Variants in TBC1D16 observed in about 807,000 individuals in gnomAD.
The protein encoded by TBC1D16 is TBC1 domain family member 16, also known as CTD-2529O21.1.
TBC1D16 carries 58 observed loss-of-function variants against 74.7 expected under a neutral mutation model. That is an observed-to-expected ratio of 0.78 (90% confidence interval 0.63 to 0.97). The LOEUF (loss-of-function observed/expected upper bound fraction) is 0.97. Ranked by LOEUF, TBC1D16 falls within the 50% of genes least tolerant of loss-of-function variation. The pLI, the probability that TBC1D16 is intolerant of heterozygous loss-of-function variation, is 0.00. For synonymous variants in TBC1D16, 493 were observed against 474.7 expected (o/e 1.04, Z -0.50); for missense variants, 1,014 against 1,079.5 (o/e 0.94, Z 0.85).
intron 3 of TBC1D16, among the ~76,000 whole-genome samples, chr17:80,006,180 A>T (rs148265234): frequency 0.011 from 1,654 of 151,790 alleles, 16 homozygotes; most frequent in Middle Eastern, 0.034. Flanking sequence ...GAGCACCAGG[A>T]GCGCTCTCGC....
intron 3 of TBC1D16, among the ~76,000 whole-genome samples, chr17:79,998,761 C>T (rs373730813): frequency 2.6e-5 from 4 of 152,268 alleles, no homozygotes; most frequent in East Asian, 1.9e-4. Context: ...GAAGCGCCAC[C>T]GTTCGCACAT....
rs754697784 is a variant in TBC1D16, at chr17:80,007,817, G to T, written c.779+2343C>A. 5.3e-5 allele frequency among the ~76,000 whole-genome samples: 8 copies of T among 152,158 alleles called. No homozygotes were observed. Among genetic ancestry groups the T allele is most frequent in the Non-Finnish European group, 8.8e-5 (6 of 68,016 alleles). ...AACTTGGAGGTGTGCACAGTGGGGG[G>T]TGGGGAGGCAGGCAGCATCGCTCAG... is the stretch of plus-strand genomic sequence containing the variant. On this transcript the variant is annotated intron_variant, in intron 3 of 11. Transcript: ENST00000310924. The surrounding 1 kb of genome is among the most constrained non-coding windows in gnomAD (Gnocchi z 4.5).
intron 3 of TBC1D16, among the ~76,000 whole-genome samples, chr17:79,965,432 C>CA (rs558530340): frequency 2.6e-5 from 4 of 151,930 alleles, no homozygotes; most frequent in African/African-American, 7.3e-5. Context: ...TATTATAAAA[C>CA]AAAAAAATAA....
rs571848293 is a variant in TBC1D16 at position 80,012,258 on chromosome 17, G to A, written c.181+1109C>T. Among the ~76,000 whole-genome samples the A allele has an allele frequency of 1.8e-4, 28 of 152,306 alleles. No individual in the cohort carries two copies. The South Asian group carries it at 5.6e-3, about 30-fold the overall frequency. On this transcript the variant is annotated intron_variant, in intron 2 of 11. Coordinates refer to ENST00000310924, the MANE Select transcript of TBC1D16 (RefSeq NM_019020.4). ...AGTGTTTCCACATCCTTTGAGATCG[G>A]CAAGAGGGTCCGAGGTGGCTACTCC... is the stretch of plus-strand genomic sequence containing the variant.
rs190044378 is a variant in TBC1D16, at chr17:79,954,585, C to T, written c.780-1767G>A. ...GGCCCAGAAGACCGAGGGCTCCTGA[C>T]ATCTTCCCAAGTGGACCCTGCGGGA... On this transcript the variant is annotated intron_variant, in intron 3 of 11. Transcript: ENST00000310924. This position sits in a 1 kb window ranked among gnomAD's most constrained non-coding sequence, Gnocchi z 5.5. Among the ~76,000 whole-genome samples, 33 of 152,324 alleles carry T rather than the reference C, an allele frequency of 2.2e-4. No individual in the cohort carries two copies. The East Asian group carries it at 6.2e-3, about 28-fold the overall frequency.
chr17:80,016,274 G>A (rs1053302908), intron 1 of TBC1D16, among the ~76,000 whole-genome samples: 2 of 151,878 alleles, frequency 1.3e-5, no homozygotes, highest in African/African-American at 2.4e-5. Flanking sequence ...GGGGGAATAG[G>A]GAGGTCATGT....
rs2034280923 is a variant in TBC1D16 at position 79,975,216 on chromosome 17, T to G, written c.780-22398A>C. ...ATTTTGTTTTGTTTTTCCCTTTGCA[T>G]TTGGTGAACTCCGTGTCAGGAAAGC... On this transcript the variant is annotated intron_variant, in intron 3 of 11. Transcript: ENST00000310924. This position sits in a 1 kb window ranked among gnomAD's most constrained non-coding sequence, Gnocchi z 4.5. Among the ~76,000 whole-genome samples the G allele has an allele frequency of 6.6e-6, 1 of 152,212 alleles. No individual in the cohort carries two copies. The highest frequency in any genetic ancestry group is 2.4e-5 in the African/African-American group (1 of 41,452).
At position 79,944,201 on chromosome 17, in the gene TBC1D16, C is replaced by T. The variant is rs2032304010; in HGVS notation, c.1908+707G>A. The T allele has an allele frequency of 1.3e-6, 2 of 1,494,256 alleles. No homozygotes were observed. Among genetic ancestry groups the T allele is most frequent in the Non-Finnish European group, 1.8e-6 (2 of 1,109,772 alleles). 92.6% of individuals were successfully genotyped at this position (1,494,256 alleles called of 1,614,324 possible). A position where few individuals can be genotyped will look rare whatever the true frequency, so the allele number is the denominator to read the frequency against. On this transcript the variant is annotated intron_variant, in intron 10 of 11. Transcript: ENST00000310924. The surrounding 1 kb of genome is among the most constrained non-coding windows in gnomAD (Gnocchi z 7.7). ...CTTCAGGGTTCTCTGACGGAGGCTG[C>T]TGGAGCTGCCGTGGTGGATAGAGCC...
At chr17:80,003,644 T>TAAA (rs74270527) in intron 3 of TBC1D16, among the ~76,000 whole-genome samples, 1 of 132,690 alleles carries the variant, frequency 7.5e-6, no homozygotes, top group African/African-American at 2.8e-5. Flanking sequence ...AACAGAAAAG[T>TAAA]AAAAAAAAAA....
In TBC1D16 at chr17:79,990,920, C is replaced by T. The variant is rs2035033284; in HGVS notation, c.779+19240G>A. 6.6e-6 allele frequency among the ~76,000 whole-genome samples: 1 copy of T among 152,218 alleles called. No homozygotes were observed. Among genetic ancestry groups the T allele is most frequent in the Admixed American group, 6.5e-5 (1 of 15,290 alleles). On this transcript the variant is annotated intron_variant, in intron 3 of 11. Coordinates refer to ENST00000310924, the MANE Select transcript of TBC1D16 (RefSeq NM_019020.4). This position sits in a 1 kb window ranked among gnomAD's most constrained non-coding sequence, Gnocchi z 4.8. ...GTGTTGCGGCGCGTGTCAGAATTGC[C>T]TTCCCAAGGCTGAACGTTCCGCTGG...
At chr17:79,973,987 G>A (rs755277754) in intron 3 of TBC1D16, among the ~76,000 whole-genome samples, 3 of 152,160 alleles carry the variant, frequency 2.0e-5, no homozygotes, top group Non-Finnish European at 4.4e-5. Flanking sequence ...CCGCCTTCTC[G>A]CTAAAAGGAA....
Position 79,954,829 on chromosome 17 carries a change from A to G in TBC1D16, c.780-2011T>C, listed in dbSNP as rs1293137841. On this transcript the variant is annotated intron_variant, in intron 3 of 11. Transcript: ENST00000310924. This position sits in a 1 kb window ranked among gnomAD's most constrained non-coding sequence, Gnocchi z 5.5. Reference sequence around the variant, plus strand: ...CGCCTCCTCCCCCAGCCTTCTTACCACACCCAACAGCAGAATCCCCCAAAC... The same window carrying G: ...CGCCTCCTCCCCCAGCCTTCTTACCGCACCCAACAGCAGAATCCCCCAAAC... Among the ~76,000 whole-genome samples the G allele has an allele frequency of 6.6e-6, 1 of 151,394 alleles. No individual in the cohort carries two copies. Among genetic ancestry groups the G allele is most frequent in the African/African-American group, 2.4e-5 (1 of 41,128 alleles).
intron 3 of TBC1D16, among the ~76,000 whole-genome samples, chr17:79,977,006 CAA>C (rs1264499536): frequency 6.6e-6 from 1 of 152,176 alleles, no homozygotes; most frequent in Non-Finnish European, 1.5e-5. Flanking sequence ...TGACTTAAAA[CAA>C]AAGTGTCAGG....
rs142090413 is a variant in TBC1D16 at position 79,988,695 on chromosome 17, T to G, written c.779+21465A>C. ...AAAAGACTTTTTCTGGAGGGTCCTATGCACCAGATGTTGGCTCTTTAATTG... is the reference window on the plus strand; with the variant it reads ...AAAAGACTTTTTCTGGAGGGTCCTAGGCACCAGATGTTGGCTCTTTAATTG... On this transcript the variant is annotated intron_variant, in intron 3 of 11. Coordinates refer to ENST00000310924, the MANE Select transcript of TBC1D16 (RefSeq NM_019020.4). This position sits in a 1 kb window ranked among gnomAD's most constrained non-coding sequence, Gnocchi z 5.7. 1.8e-4 allele frequency among the ~76,000 whole-genome samples: 27 copies of G among 152,366 alleles called. No individual in the cohort carries two copies.
intron 1 of TBC1D16, among the ~76,000 whole-genome samples, chr17:80,027,479 G>C (rs28477828): frequency 0.041 from 6,310 of 152,158 alleles, 404 homozygotes; most frequent in African/African-American, 0.14. Context: ...TGTGCCTATA[G>C]TCTCAGCTAC....
Position 80,010,309 on chromosome 17 carries a change from A to G in TBC1D16, c.630T>C (p.Asp210=). The part of the protein sequence containing the change: ...REPRPEAGEE[D]GSLELSAEGV... ...CCTCGGCTGACAGTTCCAAAGAGCC[A>G]TCCTCCTCCCCGGCCTCGGGCCGCG... The change falls in exon 3 of 12, where the codon GAT becomes GAC. Residue 210 remains aspartate, a synonymous_variant. Transcript: ENST00000310924. This position sits in a 1 kb window ranked among gnomAD's most constrained non-coding sequence, Gnocchi z 8.8. The G allele has an allele frequency of 6.2e-7, 1 of 1,612,244 alleles. No individual in the cohort carries two copies. Among genetic ancestry groups the G allele is most frequent in the Non-Finnish European group, 8.5e-7 (1 of 1,179,364 alleles).
Position 79,949,714 on chromosome 17 carries a change from T to C in TBC1D16, c.1406+3A>G, listed in dbSNP as rs574670694. 1.9e-6 allele frequency: 3 copies of C among 1,605,892 alleles called. No homozygotes were observed. The East Asian group carries it at 6.7e-5, about 36-fold the overall frequency. ...GGTGGGCCGGGCTGGCCCCGGCGGTTACCTTTTCTGCTGGATCTCAGAGTA... is the reference window on the plus strand; with the variant it reads ...GGTGGGCCGGGCTGGCCCCGGCGGTCACCTTTTCTGCTGGATCTCAGAGTA... On this transcript the variant is annotated splice_donor_region_variant and intron_variant, in intron 7 of 11. Transcript: ENST00000310924.
At chr17:80,026,105 T>C (rs1040883276) in intron 1 of TBC1D16, 1 of 149,972 alleles carries the variant, frequency 6.7e-6, no homozygotes, top group Non-Finnish European at 1.5e-5. Flanking sequence ...TACACCTAAA[T>C]AATGGAGGAT....
Position 79,934,553 on chromosome 17 carries a change from G to A in TBC1D16, c.*6306C>T, listed in dbSNP as rs1240889978. On this transcript the variant is annotated 3_prime_UTR_variant, in exon 12 of 12. Transcript: ENST00000310924. ...CACCTCCCACTCCCACATGGACAAA[G>A]ATTTCTTTAAACGGAGCCACCAGCC... The A allele has an allele frequency of 6.6e-6, 1 of 152,246 alleles. No homozygotes were observed. Among genetic ancestry groups the A allele is most frequent in the Admixed American group, 6.5e-5 (1 of 15,288 alleles). 9.4% of individuals were successfully genotyped at this position (152,246 alleles called of 1,614,324 possible).
Sources: gnomAD v4.1 joint callset for allele counts (sites outside exome capture counted in the v4.1 genomes callset) on GRCh38, gnomAD v4.1.1 for gene constraint, Gnocchi (gnomAD v3.1) non-coding constraint, MANE v1.5 for transcripts, NCBI Gene and HGNC (gene_info 2026-07-23, HGNC 2026-07-21) for gene names.